NEK1: variants seen among roughly 807,000 people sequenced by gnomAD.
NEK1 encodes NIMA related kinase 1.
NEK1 carries 137 observed loss-of-function variants against 182.1 expected under a neutral mutation model. That is an observed-to-expected ratio of 0.75 (90% CI 0.65 to 0.87). The LOEUF (loss-of-function observed/expected upper bound fraction) is 0.87. Among genes scored for constraint, NEK1 ranks in the 40% least tolerant of loss-of-function variants. NEK1 has a pLI of 0.00. For synonymous variants in NEK1, 513 were observed against 492.2 expected (o/e 1.04, Z -0.56); for missense variants, 1,391 against 1,494.4 (o/e 0.93, Z 1.14).
chr4:169,515,655 C>A (rs564781868), intron 19 of NEK1, among the ~76,000 whole-genome samples: 2 of 104,906 alleles, frequency 1.9e-5, no homozygotes, highest in Non-Finnish European at 3.9e-5. Flanking sequence ...CTCCCCCCTC[C>A]CCCGACCCCA....
chr4:169,419,937 G>A (rs1735189536), intron 31 of NEK1, among the ~76,000 whole-genome samples: 1 of 152,152 alleles, frequency 6.6e-6, no homozygotes, highest in East Asian at 1.9e-4. Context: ...TGGAGCTTGT[G>A]GAACTGGAAG....
intron 23 of NEK1, among the ~76,000 whole-genome samples, chr4:169,501,286 A>G (rs1752375785): frequency 6.6e-6 from 1 of 152,194 alleles, no homozygotes; most frequent in Non-Finnish European, 1.5e-5. Context: ...AGGGACAGAC[A>G]ATAATATCAT....
chr4:169,588,791 A>T, intron 7 of NEK1, 56 bp from the exon 8 acceptor site: 1 of 1,137,118 alleles, frequency 8.8e-7, no homozygotes, highest in Non-Finnish European at 1.3e-6. Flanking sequence ...GTGCCACATT[A>T]ATGTTGTTTT....
intron 23 of NEK1, among the ~76,000 whole-genome samples, chr4:169,486,750 C>G (rs766703457): frequency 1.3e-5 from 2 of 151,956 alleles, no homozygotes; most frequent in Non-Finnish European, 2.9e-5. Flanking sequence ...GTGTGTACAC[C>G]CTGTGGGGAG....
chr4:169,448,076 T>C (rs906668609), intron 27 of NEK1, among the ~76,000 whole-genome samples: 21 of 150,716 alleles, frequency 1.4e-4, no homozygotes, highest in Non-Finnish European at 3.1e-4. Context: ...AATTTAGCCA[T>C]GTGTGGTGGC....
chr4:169,436,299 G>A (rs1738399483), intron 28 of NEK1, among the ~76,000 whole-genome samples: 2 of 152,220 alleles, frequency 1.3e-5, no homozygotes, highest in African/African-American at 4.8e-5. Flanking sequence ...GCAAGGAGCT[G>A]ATGTAAAAGC....
chr4:169,587,259 G>A (rs1422333589), intron 9 of NEK1, among the ~76,000 whole-genome samples: 1 of 151,788 alleles, frequency 6.6e-6, no homozygotes, highest in Admixed American at 6.6e-5. Flanking sequence ...AATTTATTAA[G>A]CTGAAATATC....
chr4:169,483,637 C>T (rs1649006913), intron 23 of NEK1, among the ~76,000 whole-genome samples: 1 of 152,000 alleles, frequency 6.6e-6, no homozygotes, highest in Non-Finnish European at 1.5e-5. Context: ...GAGGCCAAGG[C>T]GGGTGGATCA....
At chr4:169,459,965 T>C (rs1743649935) in intron 27 of NEK1, among the ~76,000 whole-genome samples, 1 of 152,174 alleles carries the variant, frequency 6.6e-6, no homozygotes, top group Admixed American at 6.5e-5. Context: ...GCATTATACA[T>C]TTGTCAAAAC....
chr4:169,587,656 A>T lies in NEK1; in HGVS notation c.552-43T>A. 4 of 1,241,344 alleles carry T rather than the reference A, an allele frequency of 3.2e-6. No homozygotes were observed. In the South Asian group the frequency reaches 5.7e-5, roughly 18 times the overall value. 76.9% of individuals were successfully genotyped at this position (1,241,344 alleles called of 1,614,324 possible). ...GAGAAATTTCCTCTAAGTATTTCAA[A>T]TTTTTTCATTTAAAGGAAACACAAA... On this transcript the variant is annotated intron_variant, in intron 8 of 35. Coordinates refer to ENST00000507142, the MANE Select transcript of NEK1 (RefSeq NM_001199397.3).
intron 24 of NEK1, among the ~76,000 whole-genome samples, chr4:169,478,552 A>C (rs553902902): frequency 2.0e-5 from 3 of 152,282 alleles, no homozygotes; most frequent in Admixed American, 6.5e-5. Context: ...GAAGTTCTTG[A>C]GAATGATCAA....
At chr4:169,475,975 G>A (rs772762224) in intron 26 of NEK1, among the ~76,000 whole-genome samples, 1 of 152,052 alleles carries the variant, frequency 6.6e-6, no homozygotes, top group Non-Finnish European at 1.5e-5. Flanking sequence ...AAGTAAAACT[G>A]GAGTCCCTAA....
intron 4 of NEK1, among the ~76,000 whole-genome samples, chr4:169,599,643 A>G (rs2150130283): frequency 6.6e-6 from 1 of 152,266 alleles, no homozygotes; most frequent in Non-Finnish European, 1.5e-5. Flanking sequence ...TACTTATTAA[A>G]TAAATAAAAT....
chr4:169,588,750 A>C lies in NEK1; in HGVS notation c.465-15T>G. ...GCTCTACAGTACTAGAAGAAAAATA[A>C]AATTATTGGAGAAGTTAAAGACACA... On this transcript the variant is annotated splice_polypyrimidine_tract_variant and intron_variant, in intron 7 of 35. Coordinates refer to ENST00000507142, the MANE Select transcript of NEK1 (RefSeq NM_001199397.3). The C allele has an allele frequency of 6.8e-7, 1 of 1,479,656 alleles. No individual in the cohort carries two copies. The highest frequency in any genetic ancestry group is 1.7e-4 in the Middle Eastern group (1 of 5,854). The allele number at this position is 1,479,656 out of a possible 1,614,324, so 91.7% of individuals were successfully genotyped here. A position where few individuals can be genotyped will look rare whatever the true frequency, so the allele number is the denominator to read the frequency against.
intron 27 of NEK1, among the ~76,000 whole-genome samples, chr4:169,460,899 CTA>C (rs1276287529): frequency 1.3e-5 from 2 of 151,998 alleles, no homozygotes; most frequent in South Asian, 2.1e-4. Context: ...AATGGAAAAT[CTA>C]TGAGTGTAGT....
At chr4:169,402,748 TAGTC>T (rs1174448225) in intron 32 of NEK1, among the ~76,000 whole-genome samples, 1 of 152,196 alleles carries the variant, frequency 6.6e-6, no homozygotes, top group Non-Finnish European at 1.5e-5. Context: ...CAAGGCCACA[TAGTC>T]AGTAAATGAC....
chr4:169,507,808 A>G lies in NEK1; in HGVS notation c.1834-16T>C, dbSNP rs1753565884. ...TAGCTTCTTTCTACAAAATAAGTAG[A>G]TAAGCAAATCACTTAGGATAGAATC... On this transcript the variant is annotated splice_polypyrimidine_tract_variant and intron_variant, in intron 21 of 35. Coordinates refer to ENST00000507142, the MANE Select transcript of NEK1 (RefSeq NM_001199397.3). The G allele has an allele frequency of 6.3e-7, 1 of 1,579,366 alleles. No individual in the cohort carries two copies. Among genetic ancestry groups the G allele is most frequent in the Non-Finnish European group, 8.7e-7 (1 of 1,149,104 alleles).
At chr4:169,526,972 C>A (rs972190397) in intron 19 of NEK1, among the ~76,000 whole-genome samples, 4 of 152,040 alleles carry the variant, frequency 2.6e-5, no homozygotes, top group Non-Finnish European at 4.4e-5. Context: ...AACTAGCAAA[C>A]CATAAATAGA....
At chr4:169,406,048 GATC>G (rs1358612499) in intron 32 of NEK1, among the ~76,000 whole-genome samples, 1 of 150,784 alleles carries the variant, frequency 6.6e-6, no homozygotes, top group African/African-American at 2.4e-5. Context: ...CGTGAGCCAA[GATC>G]ATGCCACTGC....
Sources: allele counts gnomAD v4.1 joint callset (sites outside exome capture counted in the v4.1 genomes callset), GRCh38; gene constraint gnomAD v4.1.1; transcripts MANE v1.5; gene names NCBI Gene and HGNC (gene_info 2026-07-23, HGNC 2026-07-21).